Variants in PTPN14 observed in about 807,000 individuals in gnomAD.
The protein encoded by PTPN14 is tyrosine-protein phosphatase non-receptor type 14.
PTPN14 carries 53 observed loss-of-function variants against 126.8 expected under a neutral mutation model. That is an observed-to-expected ratio of 0.42 (90% CI 0.34 to 0.53). PTPN14 has a LOEUF of 0.53. Among genes scored for constraint, PTPN14 ranks in the 20% least tolerant of loss-of-function variants. The pLI is 0.08. For missense variants in PTPN14, 1,257 were observed against 1,552.9 expected, an observed-to-expected ratio of 0.81 and a Z score of 3.20; for synonymous variants, 630 against 599.3, an observed-to-expected ratio of 1.05 and a Z score of -0.75.
chr1:214,401,754 T>C lies in PTPN14; in HGVS notation c.600A>G (p.Glu200=), dbSNP rs2102564237. The C allele has an allele frequency of 6.3e-7, 1 of 1,590,212 alleles. No individual in the cohort carries two copies. The highest frequency in any genetic ancestry group is 8.6e-7 in the Non-Finnish European group (1 of 1,160,526). Residue 200 remains glutamate, a synonymous_variant, in exon 7 of 19, where the codon GAA becomes GAG. Transcript: ENST00000366956. ...CTTCATTGATGTACATCAGTTCAGC[T>C]TCTGCTGGCAGGATTCCACTAAAAT... The part of the protein sequence containing the change: ...HKAHSGILPA[E]AELMYINEVE...
At chr1:214,400,271 C>T (rs74139864) in intron 7 of PTPN14, among the ~76,000 whole-genome samples, 2,173 of 152,306 alleles carry the variant, frequency 0.014, 58 homozygotes, top group African/African-American at 0.049. Flanking sequence ...GGTACTGTTG[C>T]TCCCACCCTC....
chr1:214,519,440 T>C (rs961332879), intron 1 of PTPN14, among the ~76,000 whole-genome samples: 4 of 152,098 alleles, frequency 2.6e-5, no homozygotes, highest in Non-Finnish European at 5.9e-5. Flanking sequence ...GCCCCAAACT[T>C]GCAACACAGT....
At chr1:214,433,929 C>CAT (rs1233338469) in intron 3 of PTPN14, among the ~76,000 whole-genome samples, 1 of 15,712 alleles carries the variant, frequency 6.4e-5, no homozygotes, top group East Asian at 8.0e-4. Context: ...TTTCCACACA[C>CAT]ACACACACAC....
intron 1 of PTPN14, among the ~76,000 whole-genome samples, chr1:214,496,596 T>C (rs1251851580): frequency 6.6e-6 from 1 of 152,178 alleles, no homozygotes; most frequent in Non-Finnish European, 1.5e-5. Context: ...GCAGAACTGA[T>C]TTGATGATAC....
At position 214,397,932 on chromosome 1, in the gene PTPN14, T is replaced by C. The variant is rs1484523507; in HGVS notation, c.739A>G (p.Arg247Gly). 6.2e-7 allele frequency: 1 copy of C among 1,609,912 alleles called. No homozygotes were observed. The highest frequency in any genetic ancestry group is 1.1e-5 in the South Asian group (1 of 90,964). The change falls in exon 8 of 19, where the codon AGA (arginine) becomes GGA (glycine). Residue 247 changes from arginine to glycine, a missense_variant. Transcript: ENST00000366956. ...GACTACCTGTATATTACCGCTTGTCTTCCAATTCTGTTCCTCACGAAAATC... is the reference window on the plus strand; with the variant it reads ...GACTACCTGTATATTACCGCTTGTCCTCCAATTCTGTTCCTCACGAAAATC... ...MGIFVRNRIGRQAVIYRWNDM... is the reference protein window; with the variant it reads ...MGIFVRNRIGGQAVIYRWNDM...
At chr1:214,534,504 G>C (rs1173202371) in intron 1 of PTPN14, among the ~76,000 whole-genome samples, 3 of 151,980 alleles carry the variant, frequency 2.0e-5, no homozygotes. Context: ...ACGAGGTCAG[G>C]AGATCGAGAC....
intron 3 of PTPN14, among the ~76,000 whole-genome samples, chr1:214,449,936 GC>G (rs756382322): frequency 6.6e-6 from 1 of 151,818 alleles, no homozygotes; most frequent in Non-Finnish European, 1.5e-5. Flanking sequence ...GTTCAAGACA[GC>G]CTGGGAAATA....
chr1:214,431,447 G>A lies in PTPN14; in HGVS notation c.345-16721C>T, dbSNP rs1465835300. Among the ~76,000 whole-genome samples the A allele has an allele frequency of 2.0e-5, 3 of 152,304 alleles. No individual in the cohort carries two copies. The East Asian group carries it at 5.8e-4, about 29-fold the overall frequency. Reference sequence around the variant, plus strand: ...AAGAGCTTCTGTTCATGGAGAAACTGAGTCTTAAGAAGGATAAATAACTCA... The same window carrying A: ...AAGAGCTTCTGTTCATGGAGAAACTAAGTCTTAAGAAGGATAAATAACTCA... On this transcript the variant is annotated intron_variant, in intron 3 of 18. Coordinates refer to ENST00000366956, the MANE Select transcript of PTPN14 (RefSeq NM_005401.5).
chr1:214,535,710 C>T (rs558194362), intron 1 of PTPN14, among the ~76,000 whole-genome samples: 8 of 150,582 alleles, frequency 5.3e-5, no homozygotes, highest in Non-Finnish European at 8.8e-5. Flanking sequence ...ACCTGGGAAG[C>T]GGAGGTTGCA....
chr1:214,536,335 G>T (rs569641644), intron 1 of PTPN14, among the ~76,000 whole-genome samples: 2 of 151,874 alleles, frequency 1.3e-5, no homozygotes, highest in Non-Finnish European at 2.9e-5. Context: ...TTGAGCCCAG[G>T]AATTCAAGGT....
In PTPN14 at chr1:214,384,112, G is replaced by T. The variant is rs761722509; in HGVS notation, c.1743C>A (p.Asp581Glu). ...CGTACTTGTGGCGGTGGCTGGCCAG[G>T]TCTGGGGTGCTGGTGGCAGGTCGTG... is the stretch of plus-strand genomic sequence containing the variant. The part of the protein sequence containing the change: ...PRPRPATSTP[D>E]LASHRHKYVS... The change falls in exon 13 of 19, where the codon GAC becomes GAA. Residue 581 changes from aspartate (D) to glutamate (E), a missense_variant. By Grantham distance (45) the Asp-to-Glu change is conservative. Transcript: ENST00000366956. The surrounding 1 kb of genome is among the most constrained non-coding windows in gnomAD (Gnocchi z 5.3). The T allele has an allele frequency of 6.3e-7, 1 of 1,575,404 alleles. No individual in the cohort carries two copies. The highest frequency in any genetic ancestry group is 1.7e-5 in the Admixed American group (1 of 58,434).
At chr1:214,486,546 G>C (rs975174856) in intron 1 of PTPN14, among the ~76,000 whole-genome samples, 3 of 152,208 alleles carry the variant, frequency 2.0e-5, no homozygotes, top group Admixed American at 1.3e-4. Flanking sequence ...CCACATTAGA[G>C]AAATAGATTC....
In PTPN14 at chr1:214,350,031, C is replaced by T. The variant is rs1362508702; in HGVS notation, c.*7891G>A. ...CCCAAGCCACAAAAAGATCCCAATCCAATCTTTTCAGCTTTATCCTCTAAA... is the reference window on the plus strand; with the variant it reads ...CCCAAGCCACAAAAAGATCCCAATCTAATCTTTTCAGCTTTATCCTCTAAA... On this transcript the variant is annotated 3_prime_UTR_variant, in exon 19 of 19. Transcript: ENST00000366956. The T allele has an allele frequency of 1.3e-5, 2 of 152,184 alleles. No homozygotes were observed. The highest frequency in any genetic ancestry group is 2.9e-5 in the Non-Finnish European group (2 of 68,034). The allele number at this position is 152,184 out of a possible 1,614,324, so 9.4% of individuals were successfully genotyped here.
intron 3 of PTPN14, among the ~76,000 whole-genome samples, chr1:214,441,439 G>A (rs759949101): frequency 6.6e-5 from 10 of 152,108 alleles, no homozygotes; most frequent in East Asian, 3.9e-4. Flanking sequence ...TTTCTTTAAC[G>A]TGTGGATGTA....
intron 1 of PTPN14, among the ~76,000 whole-genome samples, chr1:214,502,239 CT>C (rs1320232814): frequency 6.6e-6 from 1 of 152,012 alleles, no homozygotes; most frequent in Admixed American, 6.6e-5. Context: ...GCTGGACCCC[CT>C]ATTCCACCAT....
At chr1:214,466,680 ACTATCTCTTG>A (rs1330657701) in intron 1 of PTPN14, among the ~76,000 whole-genome samples, 1 of 152,046 alleles carries the variant, frequency 6.6e-6, no homozygotes, top group Non-Finnish European at 1.5e-5. Context: ...AGCCCAACAG[ACTATCTCTTG>A]CTCATCTGAT....
Position 214,499,220 on chromosome 1 carries a change from CA to C in PTPN14, c.-154-34264del, listed in dbSNP as rs556800089. 3.0e-4 allele frequency among the ~76,000 whole-genome samples: 46 copies of C among 152,146 alleles called. 1 individual carries two copies. The South Asian group carries it at 4.6e-3, about 15-fold the overall frequency. Reference sequence around the variant, plus strand: ...TGGAAGCAACCTAGAAACTGCACCACAGAGAGGTTATGTGGACAGTCTGTGC... The same window carrying C: ...TGGAAGCAACCTAGAAACTGCACCACGAGAGGTTATGTGGACAGTCTGTGC... On this transcript the variant is annotated intron_variant, in intron 1 of 18. Coordinates refer to ENST00000366956, the MANE Select transcript of PTPN14 (RefSeq NM_005401.5).
In PTPN14 at chr1:214,464,743, A is replaced by G. The variant is rs1303629286; in HGVS notation, c.61T>C (p.Phe21Leu). The G allele has an allele frequency of 6.2e-7, 1 of 1,614,166 alleles. No individual in the cohort carries two copies. Among genetic ancestry groups the G allele is most frequent in the African/African-American group, 1.3e-5 (1 of 74,956 alleles). Residue 21 changes from phenylalanine (F) to leucine (L), a missense_variant, in exon 2 of 19, where the codon TTT (phenylalanine) becomes CTT (leucine). Physicochemically the swap from Phe to Leu is conservative, Grantham distance 22. Transcript: ENST00000366956. ...TCCAGCAGGCGAATCCGTGTGACAA[A>G]GCAGTTCTTGCTCAGGACGTTGTAG... Reference protein sequence around the residue: ...RRYNVLSKNCFVTRIRLLDSN... With the variant: ...RRYNVLSKNCLVTRIRLLDSN...
intron 17 of PTPN14, among the ~76,000 whole-genome samples, chr1:214,365,028 T>A (rs1326529597): frequency 1.3e-5 from 2 of 152,118 alleles, no homozygotes; most frequent in Non-Finnish European, 2.9e-5. Flanking sequence ...CTTACAGCAA[T>A]TCCTGCTATT....
Sources: gnomAD v4.1 joint callset for allele counts (sites outside exome capture counted in the v4.1 genomes callset) on GRCh38, gnomAD v4.1.1 for gene constraint, Gnocchi (gnomAD v3.1) non-coding constraint, MANE v1.5 for transcripts, NCBI Gene and HGNC (gene_info 2026-07-23, HGNC 2026-07-21) for gene names.